Variants in PALLD observed in about 807,000 individuals in gnomAD.
PALLD encodes palladin, cytoskeletal associated protein, also known as palladin.
In PALLD, 61 loss-of-function variants were observed where a neutral mutation model predicts 123.5. That is an observed-to-expected ratio of 0.49 (90% CI 0.40 to 0.61). PALLD has a LOEUF of 0.61. Among genes scored for constraint, PALLD ranks in the 20% least tolerant of loss-of-function variants. The probability of loss-of-function intolerance (pLI) is 0.00; values close to 1 mark genes in which losing one functional copy is unlikely to be tolerated. For synonymous variants in PALLD, 465 were observed against 496.4 expected (o/e 0.94, Z 0.84); for missense variants, 1,273 against 1,377.0 (o/e 0.92, Z 1.20).
chr4:168,545,686 T>G (rs150113130), intron 2 of PALLD, among the ~76,000 whole-genome samples: 157 of 152,322 alleles, frequency 1.0e-3, no homozygotes, highest in African/African-American at 3.6e-3. Flanking sequence ...TCCATTCCAG[T>G]TGTGTGACTA....
intron 2 of PALLD, among the ~76,000 whole-genome samples, chr4:168,538,224 C>T (rs757017775): frequency 6.6e-6 from 1 of 152,054 alleles, no homozygotes; most frequent in Non-Finnish European, 1.5e-5. Flanking sequence ...TAAAATGTGC[C>T]TCATGATTTG....
chr4:168,680,306 C>T (rs1241174695), intron 3 of PALLD, among the ~76,000 whole-genome samples: 3 of 150,458 alleles, frequency 2.0e-5, no homozygotes, highest in Non-Finnish European at 3.0e-5. Flanking sequence ...GGTGAAACCC[C>T]ATCTCTGCTA....
intron 1 of PALLD, among the ~76,000 whole-genome samples, chr4:168,500,223 T>C (rs537380471): frequency 6.6e-6 from 1 of 152,324 alleles, no homozygotes; most frequent in South Asian, 2.1e-4. Context: ...CTGAATTCTT[T>C]CTACTTACTA....
intron 2 of PALLD, among the ~76,000 whole-genome samples, chr4:168,583,640 A>T (rs1051527567): frequency 6.6e-6 from 1 of 152,238 alleles, no homozygotes; most frequent in Non-Finnish European, 1.5e-5. Context: ...AGGGAGACTC[A>T]AGATTTACTT....
At chr4:168,897,882 T>C (rs1194239574) in intron 13 of PALLD, 7 of 151,828 alleles carry the variant, frequency 4.6e-5, no homozygotes, top group Admixed American at 4.6e-4. Context: ...CTTCTAAAGA[T>C]GGTGGGTTCC....
intron 2 of PALLD, among the ~76,000 whole-genome samples, chr4:168,620,261 C>G (rs965053041): frequency 1.3e-5 from 2 of 152,176 alleles, no homozygotes; most frequent in African/African-American, 4.8e-5. Flanking sequence ...TCGAGACCAG[C>G]CTGACCAACA....
chr4:168,815,544 A>G (rs1000427664), intron 10 of PALLD, among the ~76,000 whole-genome samples: 1 of 152,208 alleles, frequency 6.6e-6, no homozygotes, highest in Non-Finnish European at 1.5e-5. Flanking sequence ...GCTAAACACT[A>G]TTTCCACATT....
At chr4:168,738,805 C>CT (rs1247424136) in intron 10 of PALLD, among the ~76,000 whole-genome samples, 1 of 151,424 alleles carries the variant, frequency 6.6e-6, no homozygotes, top group Non-Finnish European at 1.5e-5. Context: ...TTATCTTACT[C>CT]TTTTTTTATA....
At position 168,527,422 on chromosome 4, in the gene PALLD, C is replaced by CAAAAAAAAAAAAAAAAAAAA. The variant is rs35555541; in HGVS notation, c.908+15013_908+15032dup. 5.3e-4 allele frequency among the ~76,000 whole-genome samples: 28 copies of CAAAAAAAAAAAAAAAAAAAA among 52,916 alleles called. 2 individuals carry two copies. Among genetic ancestry groups the CAAAAAAAAAAAAAAAAAAAA allele is most frequent in the African/African-American group, 1.2e-3 (11 of 8,860 alleles). 34.7% of individuals were successfully genotyped at this position (52,916 alleles called of 152,430 possible). The stretch of plus-strand genomic sequence containing the variant: ...GGGCAACAGGAGTGAAACTCCATCT[C>CAAAAAAAAAAAAAAAAAAAA]AAAAAAAAAAAAAAAAAAAAAAGTC... On this transcript the variant is annotated intron_variant, in intron 2 of 21. Coordinates refer to ENST00000505667, the MANE Select transcript of PALLD (RefSeq NM_001166108.2).
In PALLD at chr4:168,622,430, G is replaced by A. The variant is rs146467182; in HGVS notation, c.909-45760G>A. Reference sequence around the variant, plus strand: ...TCTCACCAGTCGGCATGATTCAGATGTTGAGTTTCAGGACAACCTGGGGAT... The same window carrying A: ...TCTCACCAGTCGGCATGATTCAGATATTGAGTTTCAGGACAACCTGGGGAT... On this transcript the variant is annotated intron_variant, in intron 2 of 21. Coordinates refer to ENST00000505667, the MANE Select transcript of PALLD (RefSeq NM_001166108.2). Among the ~76,000 whole-genome samples, 641 of 152,304 alleles carry A rather than the reference G, an allele frequency of 4.2e-3. 4 individuals are homozygous for A. The highest frequency in any genetic ancestry group is 0.012 in the African/African-American group (502 of 41,552).
chr4:168,697,138 C>A (rs926742159), intron 8 of PALLD, among the ~76,000 whole-genome samples: 1 of 152,132 alleles, frequency 6.6e-6, no homozygotes, highest in Admixed American at 6.5e-5. Flanking sequence ...CTAGACACAA[C>A]GAGACAATGA....
At chr4:168,874,352 A>T (rs1751465011) in intron 10 of PALLD, among the ~76,000 whole-genome samples, 1 of 152,198 alleles carries the variant, frequency 6.6e-6, no homozygotes, top group Non-Finnish European at 1.5e-5. Context: ...ATTAGGTCAT[A>T]CACCTCTCCT....
chr4:168,831,974 CCT>C, intron 10 of PALLD: 5 of 984,590 alleles, frequency 5.1e-6, no homozygotes, highest in Non-Finnish European at 6.0e-6. Context: ...AGCCACGCCT[CCT>C]CTCTCCCGCC....
At chr4:168,599,693 G>A (rs1772350201) in intron 2 of PALLD, among the ~76,000 whole-genome samples, 1 of 152,248 alleles carries the variant, frequency 6.6e-6, no homozygotes, top group African/African-American at 2.4e-5. Context: ...GAGGCCATGA[G>A]TTCAAGGTTG....
chr4:168,821,159 G>T (rs982160615), intron 10 of PALLD, among the ~76,000 whole-genome samples: 3 of 152,136 alleles, frequency 2.0e-5, no homozygotes, highest in Non-Finnish European at 4.4e-5. Context: ...CCATATAAAG[G>T]AATGATTTGA....
chr4:168,873,395 ATATT>A (rs1751336397), intron 10 of PALLD, among the ~76,000 whole-genome samples: 1 of 152,330 alleles, frequency 6.6e-6, no homozygotes, highest in African/African-American at 2.4e-5. Context: ...AACCAACAGC[ATATT>A]TATTCATAGA....
chr4:168,665,544 G>C (rs1013908813), intron 2 of PALLD, among the ~76,000 whole-genome samples: 7 of 152,124 alleles, frequency 4.6e-5, no homozygotes, highest in African/African-American at 1.7e-4. Context: ...GCCTGGGCGA[G>C]ACAGCGAGAC....
Position 168,814,216 on chromosome 4 carries a change from G to T in PALLD, c.1965-76706G>T, listed in dbSNP as rs374337516. Among the ~76,000 whole-genome samples the T allele has an allele frequency of 4.7e-4, 71 of 152,320 alleles. 1 individual carries two copies. The South Asian group carries it at 0.014, about 30-fold the overall frequency. On this transcript the variant is annotated intron_variant, in intron 10 of 21. Transcript: ENST00000505667. Reference sequence around the variant, plus strand: ...TTGGCTGAATTTGGAAATTATCAGTGTGAAGGCTACACACCAAAAATATAA... The same window carrying T: ...TTGGCTGAATTTGGAAATTATCAGTTTGAAGGCTACACACCAAAAATATAA...
chr4:168,735,960 C>T (rs988783098), intron 10 of PALLD, among the ~76,000 whole-genome samples: 6 of 152,190 alleles, frequency 3.9e-5, no homozygotes, highest in African/African-American at 9.7e-5. Context: ...TAACATTCCA[C>T]AGGTTAACCC....
Sources: allele counts gnomAD v4.1 joint callset (sites outside exome capture counted in the v4.1 genomes callset), GRCh38; gene constraint gnomAD v4.1.1; transcripts MANE v1.5; gene names NCBI Gene and HGNC (gene_info 2026-07-23, HGNC 2026-07-21).